The following SUGCT variants were observed in gnomAD, a reference collection of about 807,000 sequenced individuals.
SUGCT encodes succinyl-CoA:glutarate CoA-transferase.
SUGCT carries 41 observed loss-of-function variants against 55.0 expected under a neutral mutation model. The ratio of observed to expected loss-of-function variants is 0.74; its 90% CI spans 0.58 to 0.97. The LOEUF is 0.97. SUGCT is among the 50% of genes least tolerant of loss of function. The probability of loss-of-function intolerance (pLI) is 0.00; values close to 1 mark genes in which losing one functional copy is unlikely to be tolerated. For missense variants in SUGCT, 568 were observed against 547.8 expected (o/e 1.04, Z -0.37); for synonymous variants, 187 against 200.4 (o/e 0.93, Z 0.56).
At chr7:40,517,924 T>C (rs1793335375) in intron 12 of SUGCT, among the ~76,000 whole-genome samples, 1 of 152,120 alleles carries the variant, frequency 6.6e-6, no homozygotes, top group Admixed American at 6.6e-5. Flanking sequence ...ATTCCAATTA[T>C]ACACCATTAT....
At chr7:40,291,356 G>A (rs1562651402) in intron 8 of SUGCT, among the ~76,000 whole-genome samples, 1 of 150,770 alleles carries the variant, frequency 6.6e-6, no homozygotes, top group African/African-American at 2.4e-5. Flanking sequence ...TCCTTTGCAG[G>A]GACATGGATG....
intron 12 of SUGCT, among the ~76,000 whole-genome samples, chr7:40,599,433 T>TAACTTCAGGAC (rs1798183484): frequency 6.6e-6 from 1 of 152,168 alleles, no homozygotes; most frequent in African/African-American, 2.4e-5. Flanking sequence ...AGGGTCATAT[T>TAACTTCAGGAC]AACTTCAGCA....
intron 12 of SUGCT, among the ~76,000 whole-genome samples, chr7:40,671,997 T>C (rs1357257026): frequency 6.6e-6 from 1 of 152,148 alleles, no homozygotes; most frequent in Non-Finnish European, 1.5e-5. Context: ...CATAGATCAG[T>C]GAACAGAAGA....
intron 12 of SUGCT, among the ~76,000 whole-genome samples, chr7:40,571,178 A>G (rs1187155363): frequency 2.6e-5 from 4 of 152,228 alleles, no homozygotes. Context: ...GCATTGTATT[A>G]TGCTTTGCAT....
intron 12 of SUGCT, among the ~76,000 whole-genome samples, chr7:40,577,743 T>A (rs1796845548): frequency 6.6e-6 from 1 of 152,212 alleles, no homozygotes; most frequent in Non-Finnish European, 1.5e-5. Context: ...ATACTTTTTT[T>A]TTAAACTGTA....
intron 12 of SUGCT, among the ~76,000 whole-genome samples, chr7:40,579,407 G>T (rs978424593): frequency 6.6e-6 from 1 of 152,088 alleles, no homozygotes; most frequent in African/African-American, 2.4e-5. Flanking sequence ...TTGAAAAGCT[G>T]GGAGACAATG....
At chr7:40,997,225 C>A in the SUGCT span, among the ~76,000 whole-genome samples, 1 of 152,158 alleles carries the variant, frequency 6.6e-6, no homozygotes, top group South Asian at 2.1e-4. Context: ...TCTCCCTCAT[C>A]CTACACATCC....
At chr7:40,793,788 C>G (rs1206977582) in intron 13 of SUGCT, among the ~76,000 whole-genome samples, 1 of 151,946 alleles carries the variant, frequency 6.6e-6, no homozygotes, top group Non-Finnish European at 1.5e-5. Context: ...ACCCTGATTA[C>G]TTTATCTTTC....
At chr7:40,943,705 G>C in the SUGCT span, among the ~76,000 whole-genome samples, 2 of 151,092 alleles carry the variant, frequency 1.3e-5, no homozygotes, top group Admixed American at 1.3e-4. Context: ...TCGGTTCCAA[G>C]TCTTTGCTAT....
intron 12 of SUGCT, among the ~76,000 whole-genome samples, chr7:40,615,278 C>A (rs1798946587): frequency 6.7e-6 from 1 of 149,296 alleles, no homozygotes. Context: ...TGTCGCAATA[C>A]AATAAATATA....
At chr7:40,496,475 C>T in intron 12 of SUGCT, 89 bp downstream of exon 12, 1 of 875,106 alleles carries the variant, frequency 1.1e-6, no homozygotes, top group Non-Finnish European at 1.9e-6. Context: ...AAGCTTAAGT[C>T]ACATGATGTG....
At chr7:40,377,247 C>T (rs62453376) in intron 9 of SUGCT, among the ~76,000 whole-genome samples, 19,538 of 23,434 alleles carry the variant, frequency 0.83, 9,470 homozygotes, top group South Asian at 0.99. Context: ...TCCTTCCTTC[C>T]TTCTTTCTTT....
Position 40,459,093 on chromosome 7 carries a change from T to A in SUGCT, c.889-8T>A. 6.3e-7 allele frequency: 1 copy of A among 1,592,126 alleles called. No homozygotes were observed. Among genetic ancestry groups the A allele is most frequent in the Non-Finnish European group, 8.6e-7 (1 of 1,162,292 alleles). ...TTCTTATACTGGAAAATTATTTTTT[T>A]CTTTTAGATCTTGGATTTGCCTGAG... On this transcript the variant is annotated splice_polypyrimidine_tract_variant and splice_region_variant and intron_variant, in intron 10 of 13. Transcript: ENST00000335693.
At chr7:40,992,481 A>G in the SUGCT span, among the ~76,000 whole-genome samples, 236 of 152,192 alleles carry the variant, frequency 1.6e-3, no homozygotes, top group Middle Eastern at 3.4e-3. Context: ...TAACCTGTTG[A>G]AAACACAGCC....
At chr7:40,973,063 A>G in the SUGCT span, among the ~76,000 whole-genome samples, 1 of 152,194 alleles carries the variant, frequency 6.6e-6, no homozygotes, top group African/African-American at 2.4e-5. Flanking sequence ...ATTTTAGCAG[A>G]GCCATTTCCT....
intron 13 of SUGCT, among the ~76,000 whole-genome samples, chr7:40,750,663 G>T (rs911784227): frequency 6.6e-6 from 1 of 152,134 alleles, no homozygotes; most frequent in Non-Finnish European, 1.5e-5. Flanking sequence ...TAAGAAGAGG[G>T]AAGTATGATG....
intron 9 of SUGCT, among the ~76,000 whole-genome samples, chr7:40,447,849 A>C (rs1269343008): frequency 6.6e-6 from 1 of 152,152 alleles, no homozygotes; most frequent in Non-Finnish European, 1.5e-5. Context: ...GAGATACAGC[A>C]CAGTTTTTAT....
At chr7:40,457,717 A>G (rs1460011735) in intron 10 of SUGCT, among the ~76,000 whole-genome samples, 11 of 152,224 alleles carry the variant, frequency 7.2e-5, no homozygotes, top group Admixed American at 7.2e-4. Context: ...GAGTTCCAGT[A>G]AGTCAAATAC....
the SUGCT span, among the ~76,000 whole-genome samples, chr7:41,033,750 T>G: frequency 6.6e-6 from 1 of 152,142 alleles, no homozygotes; most frequent in East Asian, 1.9e-4. Context: ...CCAAATGTTT[T>G]GACTCAGGGG....
Sources: allele counts gnomAD v4.1 joint callset (sites outside exome capture counted in the v4.1 genomes callset), GRCh38; gene constraint gnomAD v4.1.1; transcripts MANE v1.5; gene names NCBI Gene and HGNC (gene_info 2026-07-23, HGNC 2026-07-21).